Variants in ZNF77 observed in about 807,000 individuals in gnomAD.
The protein encoded by ZNF77 is zinc finger protein 77, also known as ZNFpT1.
Under a neutral mutation model 13.5 loss-of-function variants are expected in ZNF77, and 15 were observed. The observed-to-expected ratio is 1.11, with a 90% CI of 0.74 to 1.71. The LOEUF is 1.71. Among genes scored for constraint, ZNF77 ranks in the 40% most tolerant of loss-of-function variants. ZNF77 has a pLI of 0.00. For synonymous variants in ZNF77, 282 were observed against 250.0 expected (o/e 1.13, Z -1.21); for missense variants, 717 against 676.4 (o/e 1.06, Z -0.67).
chr19:2,937,341 C>T (rs7255043), intron 2 of ZNF77, among the ~76,000 whole-genome samples: 138,862 of 152,026 alleles, frequency 0.91, 63,940 homozygotes, highest in Middle Eastern at 0.96. Context: ...AAAAATCAGC[C>T]GGGCATAGTG....
At chr19:2,939,904 CG>C (rs890591623) in intron 1 of ZNF77, 15 of 163,282 alleles carry the variant, frequency 9.2e-5, no homozygotes, top group Admixed American at 2.2e-4. Flanking sequence ...CGCTTGAGCT[CG>C]GGGGTTCAAG....
intron 3 of ZNF77, 74 bp from the exon 4 acceptor site, chr19:2,934,889 T>A: frequency 6.7e-7 from 1 of 1,501,972 alleles, no homozygotes; most frequent in Non-Finnish European, 8.9e-7. Flanking sequence ...TTTTTAGTGA[T>A]TATTTTGATT....
intron 1 of ZNF77, among the ~76,000 whole-genome samples, chr19:2,942,385 T>C (rs1280767908): frequency 2.0e-5 from 3 of 148,758 alleles, no homozygotes; most frequent in Admixed American, 2.0e-4. Context: ...TTTTTTTTTT[T>C]TTTTTTCCAG....
In ZNF77 at chr19:2,934,730, T is replaced by G; in HGVS notation, c.397A>C (p.Lys133Gln). Reference protein sequence around the residue: ...LSQTANLLVHKSYPTEAKPSE... With the variant: ...LSQTANLLVHQSYPTEAKPSE... ...GGTTTAGCTTCGGTAGGGTAACTCTTGTGCACAAGAAGGTTCGCAGTCTGG... is the reference window on the plus strand; with the variant it reads ...GGTTTAGCTTCGGTAGGGTAACTCTGGTGCACAAGAAGGTTCGCAGTCTGG... The change falls in exon 4 of 4, where the codon AAG (lysine) becomes CAG (glutamine). Residue 133 changes from lysine (K) to glutamine (Q), a missense_variant. Lys to Gln is a moderately conservative substitution (Grantham distance 53). Transcript: ENST00000314531. The G allele has an allele frequency of 6.2e-7, 1 of 1,614,168 alleles. No homozygotes were observed. Among genetic ancestry groups the G allele is most frequent in the Non-Finnish European group, 8.5e-7 (1 of 1,180,026 alleles).
intron 1 of ZNF77, among the ~76,000 whole-genome samples, chr19:2,943,464 C>G (rs2088468327): frequency 6.6e-6 from 1 of 152,032 alleles, no homozygotes; most frequent in South Asian, 2.1e-4. Context: ...TTGGCCCCCC[C>G]GAGTCTGAGC....
chr19:2,938,825 G>A (rs1342822809), intron 2 of ZNF77, among the ~76,000 whole-genome samples: 2 of 152,014 alleles, frequency 1.3e-5, no homozygotes, highest in South Asian at 2.1e-4. Context: ...GCGTGGTGGT[G>A]GGCACCTGTA....
At position 2,934,468 on chromosome 19, in the gene ZNF77, G is replaced by C. The variant is rs778599559; in HGVS notation, c.659C>G (p.Ala220Gly). ...KSYECQKCGK[A>G]FICPSSFRGH... ...CCTGAAAGATGAGGGACAAATGAAA[G>C]CTTTTCCACATTTCTGACATTCATA... Residue 220 changes from alanine to glycine, a missense_variant, in exon 4 of 4, where the codon GCT becomes GGT. By Grantham distance (60) the Ala-to-Gly change is moderately conservative. Coordinates refer to ENST00000314531, the MANE Select transcript of ZNF77 (RefSeq NM_021217.3). The C allele has an allele frequency of 2.5e-6, 4 of 1,614,074 alleles. No homozygotes were observed. The highest frequency in any genetic ancestry group is 2.5e-6 in the Non-Finnish European group (3 of 1,180,016).
Position 2,936,666 on chromosome 19 carries a change from G to C in ZNF77, c.169C>G (p.Gln57Glu), listed in dbSNP as rs144419578. Residue 57 changes from glutamine to glutamate, a missense_variant, in exon 3 of 4, where the codon CAG (glutamine) becomes GAG (glutamate). Physicochemically the swap from Gln to Glu is conservative, Grantham distance 29 (BLOSUM62 2). Coordinates refer to ENST00000314531, the MANE Select transcript of ZNF77 (RefSeq NM_021217.3). The part of the protein sequence containing the change: ...IYVRTSGSSS[Q>E]RDVFGNGISN... ...ATTCCATTCCCAAAAACGTCCCTCTGAGAACTTGATCCACTGGTTCTAACA... is the reference window on the plus strand; with the variant it reads ...ATTCCATTCCCAAAAACGTCCCTCTCAGAACTTGATCCACTGGTTCTAACA... The C allele has an allele frequency of 2.9e-3, 4,720 of 1,609,086 alleles. 9 individuals carry two copies. The highest frequency in any genetic ancestry group is 8.1e-3 in the Middle Eastern group (49 of 6,052).
At chr19:2,940,702 G>A (rs2088441851) in intron 1 of ZNF77, among the ~76,000 whole-genome samples, 2 of 148,344 alleles carry the variant, frequency 1.3e-5, no homozygotes, top group South Asian at 4.3e-4. Context: ...AAAAAAGAAT[G>A]TAGAATACTG....
intron 3 of ZNF77, among the ~76,000 whole-genome samples, chr19:2,936,169 T>A (rs982896728): frequency 1.3e-5 from 2 of 152,014 alleles, no homozygotes; most frequent in African/African-American, 4.8e-5. Context: ...TTTTTTGAGA[T>A]GGAGCTTTGC....
Position 2,933,406 on chromosome 19 carries a change from A to G in ZNF77, c.*83T>C, listed in dbSNP as rs2088360283. ...TAAGTGCTATACCAGGTTTTCCTAC[A>G]TGCTCTACATAAATAACGTTTCTCA... On this transcript the variant is annotated 3_prime_UTR_variant, in exon 4 of 4. Coordinates refer to ENST00000314531, the MANE Select transcript of ZNF77 (RefSeq NM_021217.3). 1 of 1,475,736 alleles carries G rather than the reference A, an allele frequency of 6.8e-7. No individual in the cohort carries two copies. Among genetic ancestry groups the G allele is most frequent in the Non-Finnish European group, 9.0e-7 (1 of 1,110,678 alleles). 91.4% of individuals were successfully genotyped at this position (1,475,736 alleles called of 1,614,324 possible).
intron 2 of ZNF77, among the ~76,000 whole-genome samples, chr19:2,938,730 G>A (rs1196851116): frequency 2.6e-5 from 4 of 152,200 alleles, no homozygotes; most frequent in African/African-American, 7.2e-5. Flanking sequence ...GCCAAGGCGG[G>A]CGGATCACGA....
chr19:2,936,789 T>G, intron 2 of ZNF77, 85 bp from the exon 3 acceptor site: 2 of 1,274,634 alleles, frequency 1.6e-6, no homozygotes, highest in Non-Finnish European at 2.2e-6. Context: ...TTTCATATAG[T>G]AATCCAAAAA....
In ZNF77 at chr19:2,933,613, G is replaced by A. The variant is rs112261253; in HGVS notation, c.1514C>T (p.Ser505Leu). 40 of 1,614,080 alleles carry A rather than the reference G, an allele frequency of 2.5e-5. 1 individual carries two copies. The highest frequency in any genetic ancestry group is 1.5e-4 in the African/African-American group (11 of 75,036). The stretch of plus-strand genomic sequence containing the variant: ...CGTTCTCACGTGCACACGAAGGGAC[G>A]AGGAACAACTGTAGGCTTTCCCACA... ...TECGKAYSCS[S>L]SLRVHVRTHT... is the part of the protein sequence containing the mutation. Residue 505 changes from serine to leucine, a missense_variant, in exon 4 of 4, where the codon TCG (serine) becomes TTG (leucine). By Grantham distance (145) the Ser-to-Leu change is moderately radical. Transcript: ENST00000314531.
At chr19:2,939,430 C>T (rs1319320245) in intron 1 of ZNF77, 23 bp from the exon 2 acceptor site, 3 of 1,612,216 alleles carry the variant, frequency 1.9e-6, no homozygotes, top group African/African-American at 1.3e-5. Flanking sequence ...ACACATCCCA[C>T]TTCAGCAAAG....
intron 3 of ZNF77, among the ~76,000 whole-genome samples, chr19:2,935,509 T>TC (rs1555680235): frequency 2.7e-5 from 4 of 149,438 alleles, no homozygotes; most frequent in Non-Finnish European, 5.9e-5. Flanking sequence ...TTTTTTTTTT[T>TC]CAGTAGAGAT....
At chr19:2,936,864 G>A (rs1342989703) in intron 2 of ZNF77, among the ~76,000 whole-genome samples, 160 bp from the exon 3 acceptor site, 1 of 152,088 alleles carries the variant, frequency 6.6e-6, no homozygotes, top group Non-Finnish European at 1.5e-5. Context: ...TCATCTACTT[G>A]AGAATTTGGC....
chr19:2,937,203 G>A (rs2088405356), intron 2 of ZNF77, among the ~76,000 whole-genome samples: 1 of 152,078 alleles, frequency 6.6e-6, no homozygotes, highest in Admixed American at 6.6e-5. Flanking sequence ...AAAGAATAGT[G>A]CTGGATGCGG....
chr19:2,935,359 C>T (rs1180075093), intron 3 of ZNF77, among the ~76,000 whole-genome samples: 1 of 145,772 alleles, frequency 6.9e-6, no homozygotes, highest in African/African-American at 2.6e-5. Context: ...CTCTTGTTGC[C>T]CAGGCTGGAG....
Sources: gnomAD v4.1 joint callset for allele counts (sites outside exome capture counted in the v4.1 genomes callset) on GRCh38, gnomAD v4.1.1 for gene constraint, MANE v1.5 for transcripts, NCBI Gene and HGNC (gene_info 2026-07-23, HGNC 2026-07-21) for gene names.